Variants in CLTA observed in about 807,000 individuals in gnomAD.
CLTA encodes clathrin light chain A, also known as clathrin, light polypeptide (Lca).
Under a neutral mutation model 26.9 loss-of-function variants are expected in CLTA, and 9 were observed. The observed-to-expected ratio is 0.33, with a 90% CI of 0.20 to 0.58. The LOEUF is 0.58. Among genes scored for constraint, CLTA ranks in the 20% least tolerant of loss-of-function variants. The probability of loss-of-function intolerance (pLI) is 0.85; values close to 1 mark genes in which losing one functional copy is unlikely to be tolerated. For missense variants in CLTA, 278 were observed against 294.2 expected (o/e 0.94, Z 0.40); for synonymous variants, 120 against 115.5 (o/e 1.04, Z -0.25).
chr9:36,195,529 A>C (rs1826972122), intron 1 of CLTA, among the ~76,000 whole-genome samples: 1 of 152,092 alleles, frequency 6.6e-6, no homozygotes, highest in South Asian at 2.1e-4. Flanking sequence ...TTCCATTATC[A>C]AATTAGCAAA....
intron 3 of CLTA, 26 bp from the exon 4 acceptor site, chr9:36,204,042 T>C (rs533557539): frequency 6.2e-7 from 1 of 1,613,166 alleles, no homozygotes; most frequent in East Asian, 2.2e-5. Flanking sequence ...TCAATTGTAT[T>C]GTCTTTCTCT....
intron 1 of CLTA, among the ~76,000 whole-genome samples, chr9:36,194,220 T>C (rs1341278214): frequency 6.6e-6 from 1 of 152,076 alleles, no homozygotes; most frequent in African/African-American, 2.4e-5. Flanking sequence ...AGAGACGGGG[T>C]TTCACCATGT....
At chr9:36,200,397 C>T in intron 3 of CLTA, among the ~76,000 whole-genome samples, 1 of 152,174 alleles carries the variant, frequency 6.6e-6, no homozygotes, top group Non-Finnish European at 1.5e-5. Context: ...TACTTTGTGT[C>T]TAAATATTTC....
intron 4 of CLTA, among the ~76,000 whole-genome samples, chr9:36,206,650 A>G (rs2132937095): frequency 6.6e-6 from 1 of 152,194 alleles, no homozygotes; most frequent in East Asian, 1.9e-4. Context: ...ATTCCAGCAC[A>G]TTGGGAGGCT....
chr9:36,209,406 C>T (rs939877852), intron 4 of CLTA: 1 of 1,112,074 alleles, frequency 9.0e-7, no homozygotes, highest in Non-Finnish European at 1.4e-6. Flanking sequence ...TCACAAGTTG[C>T]TTTGCTTTTT....
intron 4 of CLTA, among the ~76,000 whole-genome samples, chr9:36,204,825 G>A (rs1827619781): frequency 6.6e-6 from 1 of 152,138 alleles, no homozygotes; most frequent in Non-Finnish European, 1.5e-5. Context: ...GGGCTTTAAT[G>A]CCCTACACTT....
At chr9:36,209,113 C>A in intron 4 of CLTA, 1 of 350,706 alleles carries the variant, frequency 2.9e-6, no homozygotes. Context: ...AAGTCTCCAG[C>A]GCTGGAAGCC....
rs753188510 is a variant in CLTA at position 36,211,636 on chromosome 9, C to A, written c.519C>A (p.Asp173Glu). The A allele has an allele frequency of 1.2e-6, 2 of 1,613,444 alleles. No homozygotes were observed. The highest frequency in any genetic ancestry group is 1.7e-4 in the Middle Eastern group (1 of 6,058). Reference protein sequence around the residue: ...AAEEAFVNDIDESSPGTEWER... With the variant: ...AAEEAFVNDIEESSPGTEWER... Reference sequence around the variant, plus strand: ...AAGAAGCCTTTGTAAATGACATTGACGAGTCGTCCCCAGGCACTGAGTGGG... The same window carrying A: ...AAGAAGCCTTTGTAAATGACATTGAAGAGTCGTCCCCAGGCACTGAGTGGG... The change falls in exon 5 of 5, where the codon GAC becomes GAA. Residue 173 changes from aspartate (D) to glutamate (E), a missense_variant. Physicochemically the swap from Asp to Glu is conservative, Grantham distance 45. Transcript: ENST00000345519.
Position 36,198,222 on chromosome 9 carries a change from T to C in CLTA, c.255+634T>C, listed in dbSNP as rs377693801. ...CATGTTGGCCAGGCAGGTCTTGAAC[T>C]CCTGGGCTCAAGTGACCATCCCGCC... On this transcript the variant is annotated intron_variant, in intron 2 of 4. Transcript: ENST00000345519. Among the ~76,000 whole-genome samples, 253 of 151,984 alleles carry C rather than the reference T, an allele frequency of 1.7e-3. 1 individual carries two copies. The highest frequency in any genetic ancestry group is 5.7e-3 in the African/African-American group (237 of 41,516).
intron 1 of CLTA, among the ~76,000 whole-genome samples, chr9:36,192,160 C>T (rs1198880180): frequency 6.6e-6 from 1 of 152,156 alleles, no homozygotes; most frequent in Non-Finnish European, 1.5e-5. Flanking sequence ...TACGGCTTTT[C>T]ATTCACTTAA....
intron 3 of CLTA, among the ~76,000 whole-genome samples, chr9:36,202,810 ATGTATTTC>A (rs1827490927): frequency 6.6e-6 from 1 of 151,640 alleles, no homozygotes; most frequent in Admixed American, 6.6e-5. Flanking sequence ...TAGCTATGAC[ATGTATTTC>A]TTTTTTTTTT....
chr9:36,205,673 C>T (rs185770425), intron 4 of CLTA, among the ~76,000 whole-genome samples: 1 of 150,794 alleles, frequency 6.6e-6, no homozygotes, highest in East Asian at 2.0e-4. Context: ...AAATTTTTTT[C>T]AAGGAAGTTT....
chr9:36,210,961 C>T (rs183576520), intron 4 of CLTA, among the ~76,000 whole-genome samples: 101 of 152,366 alleles, frequency 6.6e-4, no homozygotes, highest in Non-Finnish European at 7.1e-4. Flanking sequence ...CAAAAAGCAA[C>T]TCACGTTGGC....
Position 36,196,060 on chromosome 9 carries a change from G to A in CLTA, c.218-1491G>A, listed in dbSNP as rs552291804. On this transcript the variant is annotated intron_variant, in intron 1 of 4. Coordinates refer to ENST00000345519, the MANE Select transcript of CLTA (RefSeq NM_001833.4). ...GGAGGCTGAGGTGGGTGGATCGTCTGAGGTCAGGAGTTCGAGACCATCCTG... is the reference window on the plus strand; with the variant it reads ...GGAGGCTGAGGTGGGTGGATCGTCTAAGGTCAGGAGTTCGAGACCATCCTG... 1.2e-4 allele frequency among the ~76,000 whole-genome samples: 18 copies of A among 152,258 alleles called. No homozygotes were observed. In the East Asian group the frequency reaches 3.5e-3, roughly 30 times the overall value.
intron 2 of CLTA, among the ~76,000 whole-genome samples, 162 bp from the exon 3 acceptor site, chr9:36,198,817 G>T (rs1251442375): frequency 1.3e-5 from 2 of 149,364 alleles, no homozygotes; most frequent in East Asian, 3.9e-4. Flanking sequence ...AGGTTGCAGT[G>T]AGCCGAGATC....
intron 3 of CLTA, among the ~76,000 whole-genome samples, chr9:36,203,113 G>A (rs539758174): frequency 9.9e-5 from 15 of 152,022 alleles, no homozygotes; most frequent in East Asian, 5.8e-4. Context: ...GATTACAGGC[G>A]TGAGCCACCA....
intron 3 of CLTA, among the ~76,000 whole-genome samples, chr9:36,199,432 CCATTTTT>C (rs1268612897): frequency 2.0e-5 from 3 of 151,702 alleles, no homozygotes; most frequent in Non-Finnish European, 4.4e-5. Context: ...CTTTAACAGT[CCATTTTT>C]CTTTTTTCTT....
rs367716326 is a variant in CLTA at position 36,198,695 on chromosome 9, C to T, written c.256-284C>T. On this transcript the variant is annotated intron_variant, in intron 2 of 4. Coordinates refer to ENST00000345519, the MANE Select transcript of CLTA (RefSeq NM_001833.4). The stretch of plus-strand genomic sequence containing the variant: ...GACCCTGTCCCGTCCCCCCTTCCCC[C>T]ACCCCAGAAAAAAAAAAAAAAAAAA... Among the ~76,000 whole-genome samples, 236 of 145,392 alleles carry T rather than the reference C, an allele frequency of 1.6e-3. 2 individuals carry two copies. The highest frequency in any genetic ancestry group is 0.014 in the Middle Eastern group (4 of 280).
Position 36,197,565 on chromosome 9 carries a change from G to C in CLTA, c.232G>C (p.Val78Leu), listed in dbSNP as rs1409426269. The part of the protein sequence containing the change: ...PPGGPDAVDG[V>L]MNGEYYQESN... Reference sequence around the variant, plus strand: ...ATGTCTTGCAGATGCTGTTGATGGAGTAATGAATGGTGAATACTACCAGGT... The same window carrying C: ...ATGTCTTGCAGATGCTGTTGATGGACTAATGAATGGTGAATACTACCAGGT... Residue 78 changes from valine to leucine, a missense_variant, in exon 2 of 5, where the codon GTA (valine) becomes CTA (leucine). Val to Leu is a conservative substitution (Grantham distance 32). Coordinates refer to ENST00000345519, the MANE Select transcript of CLTA (RefSeq NM_001833.4). 3 of 1,610,836 alleles carry C rather than the reference G, an allele frequency of 1.9e-6. No homozygotes were observed. Among genetic ancestry groups the C allele is most frequent in the African/African-American group, 2.7e-5 (2 of 74,848 alleles).
Sources: gnomAD v4.1 joint callset for allele counts (sites outside exome capture counted in the v4.1 genomes callset) on GRCh38, gnomAD v4.1.1 for gene constraint, MANE v1.5 for transcripts, NCBI Gene and HGNC (gene_info 2026-07-23, HGNC 2026-07-21) for gene names.